Variants in ARSF observed in about 807,000 individuals in gnomAD.
The protein encoded by ARSF is arylsulfatase F.
ARSF carries 33 observed loss-of-function variants against 35.4 expected under a neutral mutation model. The observed-to-expected ratio is 0.93, with a 90% CI of 0.71 to 1.25. ARSF has a LOEUF of 1.25. Ranked by LOEUF, ARSF falls within the 50% of genes most tolerant of loss-of-function variation. ARSF has a pLI of 0.00. For missense variants in ARSF, 501 were observed against 480.2 expected (o/e 1.04, Z -0.40); for synonymous variants, 222 against 193.1 (o/e 1.15, Z -1.24).
intron 7 of ARSF, among the ~76,000 whole-genome samples, chrX:3,093,100 A>G (rs1715332422): frequency 9.0e-6 from 1 of 110,885 alleles, no homozygotes; most frequent in African/African-American, 3.3e-5. Context: ...TGGGAGGCAG[A>G]GCTTGCAGTG....
intron 5 of ARSF, among the ~76,000 whole-genome samples, chrX:3,082,632 A>G (rs2090210777): frequency 9.0e-6 from 1 of 111,342 alleles, no homozygotes; most frequent in Non-Finnish European, 1.9e-5. Context: ...CTGTCTATTT[A>G]TCTATCTGTC....
intron 7 of ARSF, among the ~76,000 whole-genome samples, chrX:3,091,538 A>G (rs185188054): frequency 8.8e-6 from 1 of 113,219 alleles, no homozygotes; most frequent in African/African-American, 3.2e-5. Flanking sequence ...ATATTGTGAA[A>G]TATATGTCAC....
At chrX:3,054,959 C>T (rs2090011848) in intron 1 of ARSF, among the ~76,000 whole-genome samples, 1 of 107,801 alleles carries the variant, frequency 9.3e-6, no homozygotes, top group South Asian at 4.2e-4. Flanking sequence ...GTCTTGAACT[C>T]CTGACCTCAG....
intron 1 of ARSF, among the ~76,000 whole-genome samples, chrX:3,048,957 T>C (rs1470849447): frequency 8.9e-6 from 1 of 112,500 alleles, no homozygotes; most frequent in African/African-American, 3.2e-5. Context: ...TGAGAAACCT[T>C]ATCAAATTTG....
At chrX:3,102,848 G>C (rs909318465) in intron 8 of ARSF, among the ~76,000 whole-genome samples, 99 of 109,931 alleles carry the variant, frequency 9.0e-4, no homozygotes, top group Middle Eastern at 4.6e-3. Context: ...GGAGGCGGAG[G>C]TTGCAGTGAG....
rs754151343 is a variant in ARSF, at chrX:3,103,135, G to A, written c.1103-627G>A. The stretch of plus-strand genomic sequence containing the variant: ...GACAATAAGTTACCATATGTCCATA[G>A]TATTCCATTTGTTTTCAAGGTGCAT... On this transcript the variant is annotated intron_variant, in intron 8 of 10. Coordinates refer to ENST00000381127, the MANE Select transcript of ARSF (RefSeq NM_001201539.2). Among the ~76,000 whole-genome samples, 18 of 111,407 alleles carry A rather than the reference G, an allele frequency of 1.6e-4. No individual in the cohort carries two copies. The South Asian group carries it at 3.8e-3, about 24-fold the overall frequency.
At chrX:3,110,021 C>G in intron 9 of ARSF, 107 bp from the exon 10 acceptor site, 1 of 837,815 alleles carries the variant, frequency 1.2e-6, no homozygotes, top group Non-Finnish European at 1.6e-6. Flanking sequence ...ACGCTGTCCT[C>G]TGGACCTGAG....
chrX:3,094,130 G>C, intron 7 of ARSF, among the ~76,000 whole-genome samples: 1 of 111,796 alleles, frequency 8.9e-6, no homozygotes, highest in Non-Finnish European at 1.9e-5. Flanking sequence ...TATTCTGGAT[G>C]AATCCCCACA....
At position 3,053,654 on chromosome X, in the gene ARSF, G is replaced by A. The variant is rs186938292; in HGVS notation, c.-29+11991G>A. Among the ~76,000 whole-genome samples the A allele has an allele frequency of 3.7e-5, 4 of 109,358 alleles. No individual in the cohort carries two copies. In the Admixed American group the frequency reaches 4.0e-4, roughly 11 times the overall value. 95.0% of individuals were successfully genotyped at this position (109,358 alleles called of 115,157 possible). On this transcript the variant is annotated intron_variant, in intron 1 of 10. Coordinates refer to ENST00000381127, the MANE Select transcript of ARSF (RefSeq NM_001201539.2). ...TCACTCTTGTCGCCCAGGCTGGGGT[G>A]CAGTGGCATGATTGCGGCTCACTGC... is the stretch of plus-strand genomic sequence containing the variant.
At chrX:3,067,486 G>T (rs1233564632) in intron 1 of ARSF, among the ~76,000 whole-genome samples, 1 of 111,328 alleles carries the variant, frequency 9.0e-6, no homozygotes, top group Non-Finnish European at 1.9e-5. Flanking sequence ...AGCTTTCTGA[G>T]TTTAAACTTT....
chrX:3,107,675 G>C (rs149188801), intron 9 of ARSF, among the ~76,000 whole-genome samples: 1,125 of 107,848 alleles, frequency 0.01, 16 homozygotes, highest in African/African-American at 0.036. Flanking sequence ...GAGTAATCAG[G>C]ATGGTGTTCT....
At chrX:3,111,936 G>A (rs1210298715) in intron 10 of ARSF, among the ~76,000 whole-genome samples, 1 of 110,735 alleles carries the variant, frequency 9.0e-6, no homozygotes, top group African/African-American at 3.3e-5. Flanking sequence ...ATATCTGACA[G>A]GAGGAAGAGC....
In ARSF at chrX:3,076,626, A is replaced by T; in HGVS notation, c.240A>T (p.Pro80=). The change falls in exon 4 of 11, where the codon CCA becomes CCT. Residue 80 remains proline, a synonymous_variant. Coordinates refer to ENST00000381127, the MANE Select transcript of ARSF (RefSeq NM_001201539.2). ...TCTCTGCCGCCTCCCTCTGCAGCCC[A>T]AGCCGGTCCGCGTTCTTGACGGGAA... The part of the protein sequence containing the change: ...QHISAASLCS[P]SRSAFLTGRY... The T allele has an allele frequency of 8.3e-7, 1 of 1,211,347 alleles. No homozygotes were observed. Among genetic ancestry groups the T allele is most frequent in the Non-Finnish European group, 1.1e-6 (1 of 895,476 alleles).
chrX:3,087,561 G>A (rs947952400), intron 6 of ARSF, among the ~76,000 whole-genome samples: 1 of 111,760 alleles, frequency 8.9e-6, no homozygotes, highest in Admixed American at 9.5e-5. Context: ...AATTACCTCT[G>A]CAAAGGTCTT....
intron 7 of ARSF, among the ~76,000 whole-genome samples, chrX:3,096,828 G>A (rs991988303): frequency 3.6e-5 from 4 of 111,214 alleles, no homozygotes; most frequent in African/African-American, 1.3e-4. Flanking sequence ...CCCCCAAAAA[G>A]GTATGTTCAA....
chrX:3,092,954 C>T (rs1353683265), intron 7 of ARSF, among the ~76,000 whole-genome samples: 1 of 111,857 alleles, frequency 8.9e-6, no homozygotes, highest in African/African-American at 3.3e-5. Context: ...GGGTGGATAA[C>T]GAGTTCAGGC....
chrX:3,056,342 C>A (rs1167180947), intron 1 of ARSF, among the ~76,000 whole-genome samples: 6 of 104,166 alleles, frequency 5.8e-5, no homozygotes, highest in Non-Finnish European at 1.2e-4. Context: ...GTGGCGCTAT[C>A]TCGGCTCACT....
At chrX:3,080,675 G>C (rs867664244) in intron 4 of ARSF, among the ~76,000 whole-genome samples, 1 of 110,383 alleles carries the variant, frequency 9.1e-6, no homozygotes, top group Non-Finnish European at 1.9e-5. Flanking sequence ...GTCCTCACAT[G>C]GTGGAAGGGG....
rs187000801 is a variant in ARSF, at chrX:3,103,104, G to C, written c.1103-658G>C. Among the ~76,000 whole-genome samples, 10 of 111,262 alleles carry C rather than the reference G, an allele frequency of 9.0e-5. No individual in the cohort carries two copies. The East Asian group carries it at 2.8e-3, about 31-fold the overall frequency. ...CTGCTTTTATTCTCAATAATACCTT[G>C]ATGTGGACAATAAGTTACCATATGT... On this transcript the variant is annotated intron_variant, in intron 8 of 10. Transcript: ENST00000381127.
Sources: allele counts gnomAD v4.1 joint callset (sites outside exome capture counted in the v4.1 genomes callset), GRCh38; gene constraint gnomAD v4.1.1; transcripts MANE v1.5; gene names NCBI Gene and HGNC (gene_info 2026-07-23, HGNC 2026-07-21).